Variants in CSNK1G3 observed in about 807,000 individuals in gnomAD.
CSNK1G3 encodes casein kinase 1 gamma 3, also known as casein kinase I isoform gamma-3.
CSNK1G3 carries 23 observed loss-of-function variants against 64.3 expected under a neutral mutation model. That is an observed-to-expected ratio of 0.36 (90% CI 0.26 to 0.51). The LOEUF is 0.51. Among genes scored for constraint, CSNK1G3 ranks in the 20% least tolerant of loss-of-function variants. The pLI is 0.96. For synonymous variants in CSNK1G3, 158 were observed against 162.2 expected (o/e 0.97, Z 0.20); for missense variants, 357 against 510.5 (o/e 0.70, Z 2.90).
At chr5:123,524,618 AT>A (rs1448640985) in intron 1 of CSNK1G3, among the ~76,000 whole-genome samples, 1 of 151,684 alleles carries the variant, frequency 6.6e-6, no homozygotes, top group Non-Finnish European at 1.5e-5. Context: ...GGTTCTTCTC[AT>A]TTCTTTTCCT....
At chr5:123,604,945 C>A in intron 11 of CSNK1G3, 115 bp downstream of exon 12, 1 of 702,096 alleles carries the variant, frequency 1.4e-6, no homozygotes. Context: ...TAGGTGCATG[C>A]AAAACAAGTG....
At position 123,527,973 on chromosome 5, in the gene CSNK1G3, C is replaced by G. The variant is rs753700596; in HGVS notation, c.-248+15403C>G. Among the ~76,000 whole-genome samples, 27 of 152,258 alleles carry G rather than the reference C, an allele frequency of 1.8e-4. 1 individual carries two copies. The highest frequency in any genetic ancestry group is 3.8e-4 in the Non-Finnish European group (26 of 67,986). ...ATAAAGTGCTGTTATGCAGAGATGTCTGTAAATCTATTGATGAGGATAAAG... is the reference window on the plus strand; with the variant it reads ...ATAAAGTGCTGTTATGCAGAGATGTGTGTAAATCTATTGATGAGGATAAAG... On this transcript the variant is annotated intron_variant, in intron 1 of 12. Coordinates refer to ENST00000345990, the Ensembl canonical transcript of CSNK1G3.
At chr5:123,614,052 A>T (rs35090760) in intron 12 of CSNK1G3, among the ~76,000 whole-genome samples, 1 of 152,094 alleles carries the variant, frequency 6.6e-6, no homozygotes, top group African/African-American at 2.4e-5. Context: ...AGAAAGGGTG[A>T]GAATGCATAG....
intron 5 of CSNK1G3, among the ~76,000 whole-genome samples, chr5:123,574,801 G>A (rs1788847013): frequency 6.6e-6 from 1 of 152,112 alleles, no homozygotes; most frequent in Admixed American, 6.6e-5. Flanking sequence ...TCCATCCTGG[G>A]TGGCAGAGTG....
intron 3 of CSNK1G3, among the ~76,000 whole-genome samples, chr5:123,553,993 T>C (rs1260186868): frequency 6.6e-6 from 1 of 152,220 alleles, no homozygotes; most frequent in Non-Finnish European, 1.5e-5. Context: ...TCTGCCTTTT[T>C]CAACCTTGTC....
At chr5:123,592,074 T>C (rs1355491131) in intron 10 of CSNK1G3, among the ~76,000 whole-genome samples, 1 of 152,012 alleles carries the variant, frequency 6.6e-6, no homozygotes, top group Non-Finnish European at 1.5e-5. Flanking sequence ...AAAAAGAGAA[T>C]AAGCTATATT....
intron 1 of CSNK1G3, among the ~76,000 whole-genome samples, chr5:123,539,910 A>G (rs769619172): frequency 3.3e-5 from 5 of 152,000 alleles, no homozygotes; most frequent in Non-Finnish European, 7.4e-5. Flanking sequence ...ATCTGTATTA[A>G]ATTTATTGGC....
Position 123,545,604 on chromosome 5 carries a change from C to G in CSNK1G3, c.-60C>G. On this transcript the variant is annotated 5_prime_UTR_variant, in exon 2 of 13. The change creates a premature stop within an existing upstream ORF in the 5' untranslated region. Transcript: ENST00000345990. ...TAGTGATGTACCTATTTTCACAATA[C>G]CCTGTTTCAGTGTGCTTGTCTTGAT... 7.1e-7 allele frequency: 1 copy of G among 1,413,404 alleles called. No homozygotes were observed. Among genetic ancestry groups the G allele is most frequent in the Non-Finnish European group, 9.8e-7 (1 of 1,017,010 alleles). 87.6% of individuals were successfully genotyped at this position (1,413,404 alleles called of 1,614,324 possible).
At chr5:123,575,000 TTTACA>T (rs1478440236) in intron 5 of CSNK1G3, among the ~76,000 whole-genome samples, 1 of 152,214 alleles carries the variant, frequency 6.6e-6, no homozygotes, top group African/African-American at 2.4e-5. Flanking sequence ...TAGCCATATG[TTTACA>T]TTGCATTGTT....
intron 4 of CSNK1G3, among the ~76,000 whole-genome samples, chr5:123,565,075 A>T (rs1410233399): frequency 6.6e-6 from 1 of 152,232 alleles, no homozygotes; most frequent in Non-Finnish European, 1.5e-5. Flanking sequence ...GACATTTTAA[A>T]ATCAAGGCAA....
At chr5:123,582,266 A>G (rs556907743) in intron 6 of CSNK1G3, among the ~76,000 whole-genome samples, 5 of 152,284 alleles carry the variant, frequency 3.3e-5, no homozygotes, top group South Asian at 2.1e-4. Context: ...AAGGTTTCCA[A>G]TCAACATTGA....
intron 4 of CSNK1G3, among the ~76,000 whole-genome samples, chr5:123,572,116 T>G (rs187794837): frequency 6.6e-6 from 1 of 152,228 alleles, no homozygotes; most frequent in African/African-American, 2.4e-5. Context: ...TTTTGTAAAG[T>G]TGTGGTGGCT....
chr5:123,557,946 A>G (rs1784940496), intron 4 of CSNK1G3, among the ~76,000 whole-genome samples: 1 of 152,216 alleles, frequency 6.6e-6, no homozygotes, highest in Non-Finnish European at 1.5e-5. Flanking sequence ...ATGTTACTGT[A>G]TGACAAAGAC....
At chr5:123,524,291 G>A (rs1778655125) in intron 1 of CSNK1G3, among the ~76,000 whole-genome samples, 1 of 152,210 alleles carries the variant, frequency 6.6e-6, no homozygotes, top group African/African-American at 2.4e-5. Context: ...TAATTAGGAT[G>A]CTTGAGACGG....
chr5:123,526,516 C>G (rs1261475606), intron 1 of CSNK1G3, among the ~76,000 whole-genome samples: 1 of 152,058 alleles, frequency 6.6e-6, no homozygotes. Context: ...CTAAAATTCA[C>G]TCTGCCAATA....
At chr5:123,545,998 T>G in intron 2 of CSNK1G3, 157 bp downstream of exon 2, 1 of 680,614 alleles carries the variant, frequency 1.5e-6, no homozygotes, top group Non-Finnish European at 2.4e-6. Context: ...TGTAGTTGTA[T>G]TTTCATGTGT....
At chr5:123,570,641 C>A (rs1426041798) in intron 4 of CSNK1G3, among the ~76,000 whole-genome samples, 1 of 152,152 alleles carries the variant, frequency 6.6e-6, no homozygotes, top group Non-Finnish European at 1.5e-5. Context: ...CAGGCATGAG[C>A]TACCGCGCCC....
In CSNK1G3 at chr5:123,536,085, C is replaced by G. The variant is rs140504555; in HGVS notation, c.-247-9332C>G. 1.5e-3 allele frequency among the ~76,000 whole-genome samples: 226 copies of G among 152,226 alleles called. 2 individuals carry two copies. Among genetic ancestry groups the G allele is most frequent in the African/African-American group, 5.1e-3 (212 of 41,556 alleles). ...TGGAACAGTTTTGGTTCTCCAGAGG[C>G]TTCATATGGACCTCTTATGTAAAAT... On this transcript the variant is annotated intron_variant, in intron 1 of 12. Coordinates refer to ENST00000345990, the Ensembl canonical transcript of CSNK1G3.
intron 1 of CSNK1G3, among the ~76,000 whole-genome samples, chr5:123,525,886 T>C (rs1163497587): frequency 6.6e-6 from 1 of 150,988 alleles, no homozygotes; most frequent in African/African-American, 2.4e-5. Context: ...TAGTCTCAGC[T>C]ACTTGGGAAG....
Sources: gnomAD v4.1 joint callset for allele counts (sites outside exome capture counted in the v4.1 genomes callset) on GRCh38, gnomAD v4.1.1 for gene constraint, MANE v1.5 for transcripts, NCBI Gene and HGNC (gene_info 2026-07-23, HGNC 2026-07-21) for gene names.